Variants in ZNF385D observed in about 807,000 individuals in gnomAD.
The protein encoded by ZNF385D is zinc finger protein 385D.
A neutral mutation model predicts 35.8 loss-of-function variants in ZNF385D; 15 were observed. The observed-to-expected ratio is 0.42, with a 90% confidence interval of 0.28 to 0.64. ZNF385D has a LOEUF of 0.64. Ranked by LOEUF, ZNF385D falls within the 30% of genes least tolerant of loss-of-function variation. The probability of loss-of-function intolerance (pLI) is 0.23; values close to 1 mark genes in which losing one functional copy is unlikely to be tolerated. For synonymous variants in ZNF385D, 212 were observed against 186.8 expected (o/e 1.13, Z -1.10); for missense variants, 474 against 494.6 (o/e 0.96, Z 0.39).
At chr3:22,192,622 A>G (rs1000630464) in intron 2 of ZNF385D, among the ~76,000 whole-genome samples, 1 of 152,162 alleles carries the variant, frequency 6.6e-6, no homozygotes, top group Non-Finnish European at 1.5e-5. Flanking sequence ...AATCCAATCA[A>G]GCCTTCAAGA....
chr3:21,938,653 C>T (rs1341501053), intron 3 of ZNF385D, among the ~76,000 whole-genome samples: 1 of 152,198 alleles, frequency 6.6e-6, no homozygotes, highest in Non-Finnish European at 1.5e-5. Flanking sequence ...GTCAGTCACA[C>T]TGCTCATTGC....
chr3:22,252,117 T>C (rs2728958), intron 2 of ZNF385D, among the ~76,000 whole-genome samples: 48,181 of 151,852 alleles, frequency 0.32, 7,891 homozygotes, highest in Non-Finnish European at 0.35. Context: ...CTAAAGACTT[T>C]TGTTTTCCTC....
chr3:22,294,214 T>C (rs1380309001), intron 2 of ZNF385D, among the ~76,000 whole-genome samples: 1 of 152,064 alleles, frequency 6.6e-6, no homozygotes, highest in Non-Finnish European at 1.5e-5. Context: ...GAAACAAAAC[T>C]GTGGCAGTAA....
At chr3:21,683,621 A>G (rs1156541108) in intron 1 of ZNF385D, among the ~76,000 whole-genome samples, 1 of 149,738 alleles carries the variant, frequency 6.7e-6, no homozygotes, top group African/African-American at 2.5e-5. Context: ...CATCTCAAAA[A>G]AAAAAGAGAT....
chr3:21,457,817 C>A (rs1032714363), intron 4 of ZNF385D, among the ~76,000 whole-genome samples: 14 of 152,126 alleles, frequency 9.2e-5, no homozygotes, highest in African/African-American at 2.4e-4. Flanking sequence ...AAGAATTACA[C>A]ACAAGTAATT....
intron 3 of ZNF385D, among the ~76,000 whole-genome samples, chr3:22,124,739 T>A (rs1703328494): frequency 6.6e-6 from 1 of 152,210 alleles, no homozygotes; most frequent in African/African-American, 2.4e-5. Flanking sequence ...TCTATTCAGA[T>A]CTTCTGTCCA....
At chr3:21,625,719 C>A (rs1025904056) in intron 2 of ZNF385D, among the ~76,000 whole-genome samples, 3 of 151,986 alleles carry the variant, frequency 2.0e-5, no homozygotes, top group Non-Finnish European at 4.4e-5. Context: ...ATCATGGACT[C>A]CAGTTAAATG....
At chr3:21,423,022 A>C (rs1311662184) in intron 7 of ZNF385D, among the ~76,000 whole-genome samples, 1 of 152,216 alleles carries the variant, frequency 6.6e-6, no homozygotes, top group Non-Finnish European at 1.5e-5. Context: ...AAGGGAATCC[A>C]CATAAGAAGA....
At chr3:21,482,665 C>T (rs1704719206) in intron 4 of ZNF385D, among the ~76,000 whole-genome samples, 1 of 152,044 alleles carries the variant, frequency 6.6e-6, no homozygotes, top group Non-Finnish European at 1.5e-5. Flanking sequence ...TTAGAAGTGC[C>T]AATTTCTAGA....
chr3:22,297,991 T>C (rs1412515706), intron 2 of ZNF385D, among the ~76,000 whole-genome samples: 2 of 152,100 alleles, frequency 1.3e-5, no homozygotes, highest in East Asian at 1.9e-4. Context: ...GTGGTAGTTA[T>C]TGACTCATGA....
intron 3 of ZNF385D, among the ~76,000 whole-genome samples, chr3:22,044,497 T>C (rs1177447661): frequency 6.6e-6 from 1 of 152,138 alleles, no homozygotes; most frequent in Non-Finnish European, 1.5e-5. Context: ...TGAAGCACTT[T>C]AAGTATTTTA....
chr3:21,911,143 G>C, intron 3 of ZNF385D, among the ~76,000 whole-genome samples: 1 of 151,786 alleles, frequency 6.6e-6, no homozygotes. Context: ...ATGCAAAATA[G>C]ATCTGTAAAT....
At chr3:21,809,774 T>C (rs564420762) in intron 3 of ZNF385D, among the ~76,000 whole-genome samples, 1 of 151,080 alleles carries the variant, frequency 6.6e-6, no homozygotes, top group East Asian at 1.9e-4. Flanking sequence ...TACATTAAAA[T>C]TGAATACTAA....
At chr3:21,822,840 G>T (rs1413067303) in intron 3 of ZNF385D, among the ~76,000 whole-genome samples, 4 of 151,938 alleles carry the variant, frequency 2.6e-5, no homozygotes, top group Middle Eastern at 3.2e-3. Flanking sequence ...AATGCATGTG[G>T]AATCTTACTG....
intron 3 of ZNF385D, among the ~76,000 whole-genome samples, chr3:21,899,470 C>G (rs758923444): frequency 1.3e-5 from 2 of 152,136 alleles, no homozygotes; most frequent in Non-Finnish European, 2.9e-5. Context: ...CCCAGACATT[C>G]TAATTCAATA....
intron 3 of ZNF385D, among the ~76,000 whole-genome samples, chr3:21,861,009 C>T (rs1307788499): frequency 1.3e-5 from 2 of 152,094 alleles, no homozygotes; most frequent in Non-Finnish European, 2.9e-5. Flanking sequence ...GATTAAGTTA[C>T]CTCTATACCT....
intron 3 of ZNF385D, among the ~76,000 whole-genome samples, chr3:22,028,244 G>C (rs1350064340): frequency 1.3e-5 from 2 of 152,158 alleles, no homozygotes; most frequent in African/African-American, 4.8e-5. Context: ...GACCTCAGCA[G>C]AAGAGAATTT....
intron 3 of ZNF385D, among the ~76,000 whole-genome samples, chr3:22,155,626 T>C (rs1705532981): frequency 6.6e-6 from 1 of 152,100 alleles, no homozygotes; most frequent in Non-Finnish European, 1.5e-5. Context: ...GACACTTTCC[T>C]GATTGTCTCA....
intron 3 of ZNF385D, among the ~76,000 whole-genome samples, chr3:21,900,963 A>C (rs1019423882): frequency 6.6e-6 from 1 of 152,162 alleles, no homozygotes; most frequent in Non-Finnish European, 1.5e-5. Flanking sequence ...CAGAGAGGTA[A>C]AGCCACCAGC....
Sources: allele counts gnomAD v4.1 joint callset (sites outside exome capture counted in the v4.1 genomes callset), GRCh38; gene constraint gnomAD v4.1.1; transcripts MANE v1.5; gene names NCBI Gene and HGNC (gene_info 2026-07-23, HGNC 2026-07-21).